EXOC4: variants seen among roughly 807,000 people sequenced by gnomAD.
EXOC4 encodes the protein exocyst complex component 4.
Under a neutral mutation model 107.2 loss-of-function variants are expected in EXOC4, and 71 were observed. That is an observed-to-expected ratio of 0.66 (90% CI 0.55 to 0.81). EXOC4 has a LOEUF of 0.81. EXOC4 is among the 30% of genes least tolerant of loss of function. The probability of loss-of-function intolerance (pLI) is 0.00; values close to 1 mark genes in which losing one functional copy is unlikely to be tolerated. For synonymous variants in EXOC4, 456 were observed against 441.2 expected (o/e 1.03, Z -0.42); for missense variants, 1,108 against 1,189.6 (o/e 0.93, Z 1.01).
intron 2 of EXOC4, among the ~76,000 whole-genome samples, chr7:133,285,921 G>A (rs368133966): frequency 2.0e-5 from 3 of 151,924 alleles, no homozygotes; most frequent in South Asian, 2.1e-4. Context: ...CACTATACCC[G>A]GCTGATTTTT....
chr7:133,714,700 TA>T (rs1794964739), intron 10 of EXOC4, among the ~76,000 whole-genome samples: 1 of 152,204 alleles, frequency 6.6e-6, no homozygotes, highest in South Asian at 2.1e-4. Context: ...AGCGATGATT[TA>T]AAGTATGTGG....
intron 11 of EXOC4, among the ~76,000 whole-genome samples, chr7:133,826,489 T>C (rs565566817): frequency 6.6e-6 from 1 of 152,178 alleles, no homozygotes; most frequent in African/African-American, 2.4e-5. Flanking sequence ...CTCTCATGTA[T>C]AAAATGAGAA....
intron 9 of EXOC4, among the ~76,000 whole-genome samples, chr7:133,619,903 G>A (rs2151004694): frequency 6.6e-6 from 1 of 152,212 alleles, no homozygotes; most frequent in East Asian, 1.9e-4. Flanking sequence ...CCCTACAAGA[G>A]CCAGGTGAGA....
intron 11 of EXOC4, among the ~76,000 whole-genome samples, chr7:133,832,493 G>T (rs1284613909): frequency 6.6e-6 from 1 of 152,114 alleles, no homozygotes; most frequent in Non-Finnish European, 1.5e-5. Context: ...GGCTGTCACT[G>T]ATTTTTTAAC....
chr7:133,364,369 G>A lies in EXOC4; in HGVS notation c.1007+7796G>A, dbSNP rs139433566. Among the ~76,000 whole-genome samples the A allele has an allele frequency of 3.3e-5, 5 of 151,182 alleles. No homozygotes were observed. The East Asian group carries it at 5.8e-4, about 18-fold the overall frequency. Reference sequence around the variant, plus strand: ...TTGCCCAGGCTGGCCTTGAACTCCCGGTCTCAAGAGTCTTTCCACTTTAGC... The same window carrying A: ...TTGCCCAGGCTGGCCTTGAACTCCCAGTCTCAAGAGTCTTTCCACTTTAGC... On this transcript the variant is annotated intron_variant, in intron 6 of 17. Transcript: ENST00000253861.
chr7:133,467,448 C>T (rs1020950966), intron 7 of EXOC4, among the ~76,000 whole-genome samples: 3 of 152,094 alleles, frequency 2.0e-5, no homozygotes, highest in South Asian at 2.1e-4. Flanking sequence ...CCATTTCCTT[C>T]CAGTCAATAA....
chr7:133,502,571 A>G (rs1161048958), intron 9 of EXOC4, among the ~76,000 whole-genome samples: 1 of 151,920 alleles, frequency 6.6e-6, no homozygotes, highest in Non-Finnish European at 1.5e-5. Flanking sequence ...TGGTGTTTTT[A>G]ATTTTTTCAA....
the EXOC4 span, among the ~76,000 whole-genome samples, chr7:134,077,553 A>G: frequency 2.0e-5 from 3 of 152,198 alleles, no homozygotes; most frequent in Non-Finnish European, 4.4e-5. Flanking sequence ...GAGAATCTTT[A>G]TTGAGTGCGC....
chr7:133,490,664 A>G (rs1458451912), intron 9 of EXOC4, among the ~76,000 whole-genome samples: 1 of 152,198 alleles, frequency 6.6e-6, no homozygotes, highest in Non-Finnish European at 1.5e-5. Flanking sequence ...CAGGAGTCAG[A>G]TGAAAGTACA....
intron 9 of EXOC4, among the ~76,000 whole-genome samples, chr7:133,575,097 T>C (rs147961389): frequency 1.5e-3 from 233 of 152,312 alleles, no homozygotes; most frequent in African/African-American, 4.8e-3. Flanking sequence ...GATTTTTTTT[T>C]CCCCAAAAGA....
At chr7:133,687,889 T>C (rs1250224863) in intron 10 of EXOC4, among the ~76,000 whole-genome samples, 1 of 152,200 alleles carries the variant, frequency 6.6e-6, no homozygotes, top group Non-Finnish European at 1.5e-5. Context: ...AAAAAACCCG[T>C]TAGATAAAGA....
intron 9 of EXOC4, among the ~76,000 whole-genome samples, chr7:133,520,664 A>G (rs765687801): frequency 2.6e-5 from 4 of 152,184 alleles, no homozygotes; most frequent in Non-Finnish European, 5.9e-5. Flanking sequence ...TGAATCAATT[A>G]CAGGGGAGAT....
intron 17 of EXOC4, among the ~76,000 whole-genome samples, chr7:134,047,039 C>T (rs1369601636): frequency 6.6e-6 from 1 of 152,138 alleles, no homozygotes; most frequent in Non-Finnish European, 1.5e-5. Flanking sequence ...ATTGGTACTG[C>T]TCTTATGAAA....
At chr7:133,942,268 T>C (rs1447171064) in intron 14 of EXOC4, among the ~76,000 whole-genome samples, 3 of 151,744 alleles carry the variant, frequency 2.0e-5, no homozygotes, top group Non-Finnish European at 4.4e-5. Flanking sequence ...ATCTAGGAAG[T>C]CTTTTTTTTT....
intron 9 of EXOC4, among the ~76,000 whole-genome samples, chr7:133,503,637 A>G (rs910870584): frequency 3.3e-5 from 5 of 152,178 alleles, no homozygotes; most frequent in Non-Finnish European, 5.9e-5. Context: ...GCTGATCTTC[A>G]TGTTCTTAGA....
intron 9 of EXOC4, among the ~76,000 whole-genome samples, chr7:133,626,319 T>C (rs925060747): frequency 2.0e-5 from 3 of 152,196 alleles, no homozygotes; most frequent in African/African-American, 7.2e-5. Context: ...GAAGTAGATT[T>C]CCGGGGGTCA....
At chr7:133,360,561 A>G (rs925223086) in intron 6 of EXOC4, among the ~76,000 whole-genome samples, 1 of 152,220 alleles carries the variant, frequency 6.6e-6, no homozygotes, top group Non-Finnish European at 1.5e-5. Flanking sequence ...GACTTCTGTT[A>G]TGAAGAAAAA....
At chr7:133,388,387 C>T (rs947839720) in intron 7 of EXOC4, among the ~76,000 whole-genome samples, 4 of 152,192 alleles carry the variant, frequency 2.6e-5, no homozygotes, top group East Asian at 1.9e-4. Flanking sequence ...TGGTGGCTCG[C>T]GTCTGTAATC....
At chr7:133,498,593 A>G (rs1441749669) in intron 9 of EXOC4, among the ~76,000 whole-genome samples, 1 of 151,956 alleles carries the variant, frequency 6.6e-6, no homozygotes, top group Admixed American at 6.6e-5. Context: ...TCAAAAACAA[A>G]CAAACAAACA....
Sources: gnomAD v4.1 joint callset for allele counts (sites outside exome capture counted in the v4.1 genomes callset) on GRCh38, gnomAD v4.1.1 for gene constraint, MANE v1.5 for transcripts, NCBI Gene and HGNC (gene_info 2026-07-23, HGNC 2026-07-21) for gene names.